TRIM8: variants seen among roughly 807,000 people sequenced by gnomAD.
The protein encoded by TRIM8 is E3 ubiquitin-protein ligase TRIM8.
In TRIM8, 9 loss-of-function variants were observed where a neutral mutation model predicts 55.7. That is an observed-to-expected ratio of 0.16 (90% CI 0.10 to 0.28). The LOEUF (loss-of-function observed/expected upper bound fraction) is 0.28, where lower values mean the gene tolerates loss of function less well. Ranked by LOEUF, TRIM8 falls within the 10% of genes least tolerant of loss-of-function variation. The pLI, the probability that TRIM8 is intolerant of heterozygous loss-of-function variation, is 1.00. For synonymous variants in TRIM8, 335 were observed against 333.3 expected (o/e 1.01, Z -0.06); for missense variants, 556 against 736.4 (o/e 0.76, Z 2.83).
At chr10:102,647,221 G>GGT (rs1412810248) in intron 1 of TRIM8, among the ~76,000 whole-genome samples, 5 of 152,206 alleles carry the variant, frequency 3.3e-5, no homozygotes, top group African/African-American at 7.2e-5. Context: ...AACTCCGCAG[G>GGT]GTGTGTGTGT....
At chr10:102,650,375 G>GC (rs1466127318) in intron 1 of TRIM8, among the ~76,000 whole-genome samples, 3 of 152,148 alleles carry the variant, frequency 2.0e-5, no homozygotes, top group African/African-American at 7.2e-5. Context: ...AGGAGTGGGG[G>GC]CCCAGGTGGT....
At position 102,656,223 on chromosome 10, in the gene TRIM8, C is replaced by T. The variant is rs2064023326; in HGVS notation, c.933-47C>T. On this transcript the variant is annotated intron_variant, in intron 4 of 5. Coordinates refer to ENST00000643721, the MANE Select transcript of TRIM8 (RefSeq NM_030912.3). The surrounding 1 kb of genome is among the most constrained non-coding windows in gnomAD (Gnocchi z 4.6). The stretch of plus-strand genomic sequence containing the variant: ...CCATGGCGGGGAGGTAGGGCGGGCT[C>T]ACCGGTGATGCCTCCTCACAGCAGA... 1 of 1,613,990 alleles carries T rather than the reference C, an allele frequency of 6.2e-7. No individual in the cohort carries two copies. Among genetic ancestry groups the T allele is most frequent in the Non-Finnish European group, 8.5e-7 (1 of 1,180,000 alleles).
rs535746943 is a variant in TRIM8, at chr10:102,651,714, G to A, written c.571-2939G>A. Among the ~76,000 whole-genome samples, 220 of 152,350 alleles carry A rather than the reference G, an allele frequency of 1.4e-3. 3 individuals are homozygous for A. In the South Asian group the frequency reaches 0.044, roughly 30 times the overall value. On this transcript the variant is annotated intron_variant, in intron 1 of 5. Coordinates refer to ENST00000643721, the MANE Select transcript of TRIM8 (RefSeq NM_030912.3). ...TGGGGGGCCCTGTCCTCCTGAGGGT[G>A]GGCTTGGGGCAACCAGCAGGCAAGA... is the stretch of plus-strand genomic sequence containing the variant.
At position 102,657,352 on chromosome 10, in the gene TRIM8, TAACGCCACGCAGGCGGCGG is replaced by T. The variant is rs1341947804; in HGVS notation, c.1655_*17del. On this transcript the variant is annotated stop_lost and 3_prime_UTR_variant, in exon 6 of 6. Transcript: ENST00000643721. ...GTCCACCAAACACTACGTGACGAGC[TAACGCCACGCAGGCGGCGG>T]GGCGCTGGGGAATCTTCCTCCCCAG... 1 of 1,561,624 alleles carries T rather than the reference TAACGCCACGCAGGCGGCGG, an allele frequency of 6.4e-7. No individual in the cohort carries two copies. The highest frequency in any genetic ancestry group is 8.7e-7 in the Non-Finnish European group (1 of 1,149,922).
intron 1 of TRIM8, 154 bp downstream of exon 1, chr10:102,645,341 AG>A: frequency 3.4e-6 from 3 of 875,694 alleles, no homozygotes; most frequent in Non-Finnish European, 3.3e-6. Flanking sequence ...GTTTGGGGAC[AG>A]GGTCCTGGGA....
chr10:102,644,545 A>G lies in TRIM8; in HGVS notation c.-73A>G. On this transcript the variant is annotated 5_prime_UTR_variant, in exon 1 of 6. Coordinates refer to ENST00000643721, the MANE Select transcript of TRIM8 (RefSeq NM_030912.3). ...CCGGAGCTCGGGGCTCGGTGGGCCT[A>G]CAGCGGCTCCGGACGGACCCCCGGG... The G allele has an allele frequency of 6.8e-7, 1 of 1,472,162 alleles. No homozygotes were observed. The highest frequency in any genetic ancestry group is 1.2e-5 in the South Asian group (1 of 80,774). The allele number at this position is 1,472,162 out of a possible 1,614,324, so 91.2% of individuals were successfully genotyped here.
Position 102,644,617 on chromosome 10 carries a change from C to T in TRIM8, c.-1C>T. The T allele has an allele frequency of 1.2e-6, 2 of 1,611,738 alleles. No homozygotes were observed. Among genetic ancestry groups the T allele is most frequent in the South Asian group, 1.1e-5 (1 of 90,960 alleles). On this transcript the variant is annotated 5_prime_UTR_variant, in exon 1 of 6. Transcript: ENST00000643721. ...GCCCCGGCCCCCTGCCCGCGGCCGC[C>T]ATGGCGGAGAATTGGAAGAACTGCT...
Position 102,657,581 on chromosome 10 carries a change from C to T in TRIM8, c.*227C>T. The T allele has an allele frequency of 1.9e-6, 1 of 514,516 alleles. No individual in the cohort carries two copies. 31.9% of individuals were successfully genotyped at this position (514,516 alleles called of 1,614,324 possible). On this transcript the variant is annotated 3_prime_UTR_variant, in exon 6 of 6. Coordinates refer to ENST00000643721, the MANE Select transcript of TRIM8 (RefSeq NM_030912.3). ...GGTGACAGTGGGAGCTGGCCTGGGC[C>T]AGGACGGCAGGTGGCCCTGGAGATG...
chr10:102,645,336 G>C (rs2063925288), intron 1 of TRIM8, 149 bp downstream of exon 1: 2 of 909,592 alleles, frequency 2.2e-6, no homozygotes, highest in South Asian at 3.9e-5. Flanking sequence ...TGAAAGTTTG[G>C]GGACAGGGTC....
chr10:102,648,235 A>T (rs1049595588), intron 1 of TRIM8, among the ~76,000 whole-genome samples: 2 of 152,080 alleles, frequency 1.3e-5, no homozygotes, highest in African/African-American at 2.4e-5. Context: ...TCATCTAAGC[A>T]TTGAAGGACT....
At chr10:102,653,121 T>C (rs2063997962) in intron 1 of TRIM8, among the ~76,000 whole-genome samples, 1 of 152,186 alleles carries the variant, frequency 6.6e-6, no homozygotes, top group South Asian at 2.1e-4. Context: ...TTTTGTTAAC[T>C]TGGATTTAAA....
rs757862795 is a variant in TRIM8 at position 102,656,371 on chromosome 10, G to A, written c.1034G>A (p.Arg345Gln). The change falls in exon 5 of 6, where the codon CGG becomes CAG. Residue 345 changes from arginine (R) to glutamine (Q), a missense_variant. Physicochemically the swap from Arg to Gln is conservative, Grantham distance 43 (BLOSUM62 1). This residue lies in a region of TRIM8 where 391 missense variants were observed against 441.0 expected (regional missense o/e 0.89). Transcript: ENST00000643721. The surrounding 1 kb of genome is among the most constrained non-coding windows in gnomAD (Gnocchi z 4.6). Reference protein sequence around the residue: ...NEVAKKEKQLRKMLEGPFSTP... With the variant: ...NEVAKKEKQLQKMLEGPFSTP... Reference sequence around the variant, plus strand: ...GTGGCCAAGAAGGAGAAGCAGCTGCGGAAAATGCTAGAAGGTGAGGGTGGG... The same window carrying A: ...GTGGCCAAGAAGGAGAAGCAGCTGCAGAAAATGCTAGAAGGTGAGGGTGGG... 1.6e-5 allele frequency: 26 copies of A among 1,612,984 alleles called. No homozygotes were observed. Among genetic ancestry groups the A allele is most frequent in the East Asian group, 8.9e-5 (4 of 44,840 alleles).
rs2064021497 is a variant in TRIM8 at position 102,656,099 on chromosome 10, C to G, written c.901-7C>G. ...CCACTGACTTGACTCTTTTCTCTCC[C>G]CAACAGAACACCAAGTCTGTGAAAA... On this transcript the variant is annotated splice_polypyrimidine_tract_variant and splice_region_variant and intron_variant, in intron 3 of 5. Transcript: ENST00000643721. The surrounding 1 kb of genome is among the most constrained non-coding windows in gnomAD (Gnocchi z 4.6). The G allele has an allele frequency of 6.2e-7, 1 of 1,614,192 alleles. No individual in the cohort carries two copies. The highest frequency in any genetic ancestry group is 1.3e-5 in the African/African-American group (1 of 75,060).
At chr10:102,648,499 C>T (rs548491091) in intron 1 of TRIM8, among the ~76,000 whole-genome samples, 2 of 152,262 alleles carry the variant, frequency 1.3e-5, no homozygotes, top group Admixed American at 1.3e-4. Flanking sequence ...AGAAGAGGTT[C>T]TCTGGGGGAG....
Position 102,657,388 on chromosome 10 carries a change from C to T in TRIM8, c.*34C>T, listed in dbSNP as rs575991102. 1.3e-6 allele frequency: 2 copies of T among 1,523,588 alleles called. No homozygotes were observed. Among genetic ancestry groups the T allele is most frequent in the East Asian group, 2.3e-5 (1 of 43,872 alleles). The allele number at this position is 1,523,588 out of a possible 1,614,324, so 94.4% of individuals were successfully genotyped here. ...AGGCGGCGGGGCGCTGGGGAATCTT[C>T]CTCCCCAGCCCCCGGGCTCGGGAGT... On this transcript the variant is annotated 3_prime_UTR_variant, in exon 6 of 6. Coordinates refer to ENST00000643721, the MANE Select transcript of TRIM8 (RefSeq NM_030912.3).
At chr10:102,649,947 G>GA (rs1472315297) in intron 1 of TRIM8, among the ~76,000 whole-genome samples, 3 of 152,122 alleles carry the variant, frequency 2.0e-5, no homozygotes, top group African/African-American at 7.2e-5. Context: ...GTGGCTCTGA[G>GA]AAGGGGGCTG....
Position 102,644,512 on chromosome 10 carries a change from G to A in TRIM8, c.-106G>A. On this transcript the variant is annotated 5_prime_UTR_variant, in exon 1 of 6. Coordinates refer to ENST00000643721, the MANE Select transcript of TRIM8 (RefSeq NM_030912.3). Reference sequence around the variant, plus strand: ...TGCTGACTGAGCGACCGTCGGGGCCGGCTGGGGCCGGAGCTCGGGGCTCGG... The same window carrying A: ...TGCTGACTGAGCGACCGTCGGGGCCAGCTGGGGCCGGAGCTCGGGGCTCGG... 1 of 1,116,266 alleles carries A rather than the reference G, an allele frequency of 9.0e-7. No homozygotes were observed. Among genetic ancestry groups the A allele is most frequent in the South Asian group, 1.7e-5 (1 of 59,544 alleles). 69.1% of individuals were successfully genotyped at this position (1,116,266 alleles called of 1,614,324 possible). A position where few individuals can be genotyped will look rare whatever the true frequency, so the allele number is the denominator to read the frequency against.
Position 102,644,511 on chromosome 10 carries a change from C to G in TRIM8, c.-107C>G. On this transcript the variant is annotated 5_prime_UTR_variant, in exon 1 of 6. Coordinates refer to ENST00000643721, the MANE Select transcript of TRIM8 (RefSeq NM_030912.3). Reference sequence around the variant, plus strand: ...CTGCTGACTGAGCGACCGTCGGGGCCGGCTGGGGCCGGAGCTCGGGGCTCG... The same window carrying G: ...CTGCTGACTGAGCGACCGTCGGGGCGGGCTGGGGCCGGAGCTCGGGGCTCG... 9.1e-7 allele frequency: 1 copy of G among 1,094,512 alleles called. No individual in the cohort carries two copies. Among genetic ancestry groups the G allele is most frequent in the Non-Finnish European group, 1.2e-6 (1 of 800,096 alleles). The allele number at this position is 1,094,512 out of a possible 1,614,324, so 67.8% of individuals were successfully genotyped here. A position where few individuals can be genotyped will look rare whatever the true frequency, so the allele number is the denominator to read the frequency against.
intron 1 of TRIM8, among the ~76,000 whole-genome samples, chr10:102,647,239 T>TGCGTGTGTGTGCGTGCGC (rs2063944536): frequency 6.6e-6 from 1 of 152,128 alleles, no homozygotes; most frequent in African/African-American, 2.4e-5. Context: ...TGTGCGTGTG[T>TGCGTGTGTGTGCGTGCGC]GCGTGTGTGT....
Sources: allele counts gnomAD v4.1 joint callset (sites outside exome capture counted in the v4.1 genomes callset), GRCh38; gene constraint gnomAD v4.1.1; regional missense constraint gnomAD v4.1.1; non-coding constraint Gnocchi (gnomAD v3.1); transcripts MANE v1.5; gene names NCBI Gene and HGNC (gene_info 2026-07-23, HGNC 2026-07-21).